Variants in PAH observed in about 807,000 individuals in gnomAD.
PAH encodes phenylalanine-4-hydroxylase.
PAH carries 64 observed loss-of-function variants against 62.0 expected under a neutral mutation model. That is an observed-to-expected ratio of 1.03 (90% CI 0.84 to 1.27). PAH has a LOEUF of 1.27. PAH is among the 50% of genes most tolerant of loss of function. The probability of loss-of-function intolerance (pLI) is 0.00; values close to 1 mark genes in which losing one functional copy is unlikely to be tolerated. For missense variants in PAH, 579 were observed against 542.8 expected (o/e 1.07, Z -0.66); for synonymous variants, 195 against 196.2 (o/e 0.99, Z 0.05).
At chr12:102,915,052 A>G (rs1202140901) in intron 1 of PAH, 1 of 152,264 alleles carries the variant, frequency 6.6e-6, no homozygotes, top group Non-Finnish European at 1.5e-5. Flanking sequence ...GTGGTACCGA[A>G]TCTCTGGAGG....
intron 1 of PAH, among the ~76,000 whole-genome samples, chr12:102,939,834 G>A (rs552105795): frequency 6.6e-6 from 1 of 152,280 alleles, no homozygotes; most frequent in East Asian, 1.9e-4. Flanking sequence ...CTTAAGCTAG[G>A]GAGGAAACAA....
chr12:102,946,613 C>G (rs547057533), intron 1 of PAH: 1 of 152,528 alleles, frequency 6.6e-6, no homozygotes, highest in Non-Finnish European at 1.5e-5. Flanking sequence ...CCATGCCATG[C>G]GTCCACTGCT....
In PAH at chr12:102,875,855, G is replaced by A. The variant is rs75536322; in HGVS notation, c.441+1607C>T. On this transcript the variant is annotated intron_variant, in intron 4 of 12. Transcript: ENST00000553106. Reference sequence around the variant, plus strand: ...ACTTCCTACACGTTTGCAATTGGGTGCTGGTTAGTAAGTTGTGACAGTTAA... The same window carrying A: ...ACTTCCTACACGTTTGCAATTGGGTACTGGTTAGTAAGTTGTGACAGTTAA... Among the ~76,000 whole-genome samples, 1,164 of 152,060 alleles carry A rather than the reference G, an allele frequency of 7.7e-3. 21 individuals are homozygous for A. The highest frequency in any genetic ancestry group is 0.027 in the African/African-American group (1,125 of 41,450).
At chr12:102,928,079 C>G (rs1878735839) in intron 1 of PAH, among the ~76,000 whole-genome samples, 1 of 152,092 alleles carries the variant, frequency 6.6e-6, no homozygotes, top group South Asian at 2.1e-4. Flanking sequence ...TATTCAGTAC[C>G]AGGCACATCG....
intron 5 of PAH, among the ~76,000 whole-genome samples, chr12:102,862,274 A>G (rs1406335517): frequency 3.3e-5 from 5 of 152,202 alleles, no homozygotes; most frequent in African/African-American, 1.2e-4. Flanking sequence ...GCTGGAGGCC[A>G]TTATCCTTAG....
At chr12:102,839,244 G>T (rs1219374072) in intron 12 of PAH, 26 bp from the exon 13 acceptor site, 1 of 1,611,820 alleles carries the variant, frequency 6.2e-7, no homozygotes, top group South Asian at 1.1e-5. Flanking sequence ...CCATCAAAAT[G>T]GGCCACTTGT....
chr12:102,908,433 T>C (rs1287017660), intron 2 of PAH, among the ~76,000 whole-genome samples: 3 of 152,222 alleles, frequency 2.0e-5, no homozygotes, highest in Non-Finnish European at 1.5e-5. Context: ...AAAAGTTACA[T>C]AGGTGCATTT....
At chr12:102,842,616 TG>T (rs537167954) in intron 11 of PAH, among the ~76,000 whole-genome samples, 1 of 152,040 alleles carries the variant, frequency 6.6e-6, no homozygotes, top group Non-Finnish European at 1.5e-5. Context: ...GTGAGGGGTC[TG>T]GGGGGGATGG....
At chr12:102,885,432 C>T (rs545413861) in intron 3 of PAH, among the ~76,000 whole-genome samples, 2 of 152,324 alleles carry the variant, frequency 1.3e-5, no homozygotes, top group South Asian at 4.1e-4. Context: ...CCTTAACAGC[C>T]TCTCCGGCGG....
upstream of PAH, among the ~76,000 whole-genome samples, chr12:102,954,704 G>C (rs1879863171): frequency 6.6e-6 from 1 of 152,188 alleles, no homozygotes; most frequent in Non-Finnish European, 1.5e-5. Flanking sequence ...AGGTCACACA[G>C]TCAGAGGCAG....
intron 5 of PAH, among the ~76,000 whole-genome samples, chr12:102,861,966 T>TAA (rs71097947): frequency 0.21 from 26,495 of 128,208 alleles, 2,745 homozygotes; most frequent in Non-Finnish European, 0.25. Context: ...ACTTAAAGTA[T>TAA]AAAAAAAAAA....
chr12:102,890,489 G>A (rs1877231727), intron 3 of PAH, among the ~76,000 whole-genome samples: 1 of 152,236 alleles, frequency 6.6e-6, no homozygotes, highest in South Asian at 2.1e-4. Flanking sequence ...CAGATGCCAG[G>A]TCGTGGCATG....
rs62508586 is a variant in PAH, at chr12:102,877,458, T to C, written c.441+4A>G. ...AAATCTCATCCTACGGGCCATGGAC[T>C]CACAGGGTGGTCAGCATCCAGTTCC... is the stretch of plus-strand genomic sequence containing the variant. On this transcript the variant is annotated splice_donor_region_variant and intron_variant, in intron 4 of 12. Coordinates refer to ENST00000553106, the MANE Select transcript of PAH (RefSeq NM_000277.3). 3.1e-6 allele frequency: 5 copies of C among 1,610,582 alleles called. No homozygotes were observed. The highest frequency in any genetic ancestry group is 4.2e-6 in the Non-Finnish European group (5 of 1,176,918).
chr12:102,907,741 C>T (rs911180298), intron 2 of PAH, among the ~76,000 whole-genome samples: 3 of 152,016 alleles, frequency 2.0e-5, no homozygotes, highest in Non-Finnish European at 4.4e-5. Flanking sequence ...GCCTCAGCCA[C>T]CTTAGTAGCT....
Position 102,957,275 on chromosome 12 carries a change from C to T in PAH, c.-96+920G>A, listed in dbSNP as rs551166056. On this transcript the variant is annotated intron_variant, in intron 1 of 4. Coordinates refer to the PAH transcript ENST00000551337. This position sits in a 1 kb window ranked among gnomAD's most constrained non-coding sequence, Gnocchi z 4.1. The stretch of plus-strand genomic sequence containing the variant: ...TTAGTAGAATCCAAGAGAGCTTCAC[C>T]CCAAGTCTTTCCACCTATACACCTC... 6.2e-4 allele frequency among the ~76,000 whole-genome samples: 95 copies of T among 152,248 alleles called. No homozygotes were observed. Among genetic ancestry groups the T allele is most frequent in the African/African-American group, 2.3e-3 (94 of 41,546 alleles).
intron 8 of PAH, among the ~76,000 whole-genome samples, chr12:102,849,458 G>A (rs1167805514): frequency 6.6e-6 from 1 of 152,160 alleles, no homozygotes; most frequent in Non-Finnish European, 1.5e-5. Flanking sequence ...CGTCATCAGA[G>A]TAGAGATGGT....
chr12:102,919,082 T>C (rs1275419875), upstream of PAH, among the ~76,000 whole-genome samples: 1 of 152,218 alleles, frequency 6.6e-6, no homozygotes, highest in Non-Finnish European at 1.5e-5. Context: ...TCCCATGAAC[T>C]ATGCACTCCC....
At chr12:102,847,029 A>C in intron 8 of PAH, 78 bp from the exon 9 acceptor site, 2 of 1,212,862 alleles carry the variant, frequency 1.6e-6, no homozygotes, top group Non-Finnish European at 1.2e-6. Flanking sequence ...TGGCCATAAA[A>C]AGGTGATGGG....
intron 1 of PAH, among the ~76,000 whole-genome samples, chr12:102,939,311 A>G (rs1879212451): frequency 6.6e-6 from 1 of 152,146 alleles, no homozygotes; most frequent in Non-Finnish European, 1.5e-5. Flanking sequence ...CATTTCCAGC[A>G]CACTACAGAA....
Sources: gnomAD v4.1 joint callset for allele counts (sites outside exome capture counted in the v4.1 genomes callset) on GRCh38, gnomAD v4.1.1 for gene constraint, Gnocchi (gnomAD v3.1) non-coding constraint, MANE v1.5 for transcripts, NCBI Gene and HGNC (gene_info 2026-07-23, HGNC 2026-07-21) for gene names.